LAMC1: variants seen among roughly 807,000 people sequenced by gnomAD.
The protein encoded by LAMC1 is laminin subunit gamma-1.
LAMC1 carries 38 observed loss-of-function variants against 173.6 expected under a neutral mutation model. The observed-to-expected ratio is 0.22, with a 90% CI of 0.17 to 0.29. The LOEUF (loss-of-function observed/expected upper bound fraction) is 0.29. Ranked by LOEUF, LAMC1 falls within the 10% of genes least tolerant of loss-of-function variation. The pLI, the probability that LAMC1 is intolerant of heterozygous loss-of-function variation, is 1.00. For missense variants in LAMC1, 1,824 were observed against 2,051.8 expected (o/e 0.89, Z 2.14); for synonymous variants, 746 against 749.1 (o/e 1.00, Z 0.07).
intron 1 of LAMC1, among the ~76,000 whole-genome samples, chr1:183,098,707 C>A (rs1392809463): frequency 2.6e-5 from 4 of 152,140 alleles, no homozygotes; most frequent in African/African-American, 9.7e-5. Context: ...ATTTTCACTA[C>A]ACAGAAAAAA....
chr1:183,079,232 G>GTTTTTTTTTTTTTT (rs796732672), intron 1 of LAMC1, among the ~76,000 whole-genome samples: 1 of 62,840 alleles, frequency 1.6e-5, no homozygotes, highest in Non-Finnish European at 3.0e-5. Context: ...CTCTAATCTG[G>GTTTTTTTTTTTTTT]TTTTTTTTTT....
At chr1:183,125,025 A>T (rs146885461) in intron 14 of LAMC1, 149 bp downstream of exon 14, 2 of 1,063,070 alleles carry the variant, frequency 1.9e-6, no homozygotes, top group Non-Finnish European at 2.7e-6. Context: ...TAGTCACCAC[A>T]TTAAAAAAGT....
chr1:183,110,430 G>A (rs1448797060), intron 3 of LAMC1, 58 bp from the exon 4 acceptor site: 1 of 1,351,310 alleles, frequency 7.4e-7, no homozygotes, highest in African/African-American at 1.4e-5. Flanking sequence ...GTTTTTCTGT[G>A]TGCATTTCTG....
At chr1:183,074,051 G>A (rs769247725) in intron 1 of LAMC1, among the ~76,000 whole-genome samples, 1 of 152,082 alleles carries the variant, frequency 6.6e-6, no homozygotes, top group Non-Finnish European at 1.5e-5. Context: ...ATCTGATTTG[G>A]TATCAAAGTT....
intron 16 of LAMC1, 133 bp downstream of exon 16, chr1:183,126,395 A>G: frequency 1.2e-6 from 1 of 801,474 alleles, no homozygotes. Flanking sequence ...GTCATCGTAG[A>G]TGCTTTATTT....
In LAMC1 at chr1:183,142,882, C is replaced by A; in HGVS notation, c.*92C>A. ...GACACAAAGATTACATTTTTCAGAC[C>A]CCCACTCCTCTGCTGCTGTCCATGA... On this transcript the variant is annotated 3_prime_UTR_variant, in exon 28 of 28. Coordinates refer to ENST00000258341, the MANE Select transcript of LAMC1 (RefSeq NM_002293.4). 1 of 1,304,882 alleles carries A rather than the reference C, an allele frequency of 7.7e-7. No homozygotes were observed. Among genetic ancestry groups the A allele is most frequent in the Non-Finnish European group, 1.1e-6 (1 of 942,740 alleles). 80.8% of individuals were successfully genotyped at this position (1,304,882 alleles called of 1,614,324 possible). A position where few individuals can be genotyped will look rare whatever the true frequency, so the allele number is the denominator to read the frequency against.
At chr1:183,120,357 G>T (rs1656438114) in intron 11 of LAMC1, among the ~76,000 whole-genome samples, 1 of 152,006 alleles carries the variant, frequency 6.6e-6, no homozygotes, top group Non-Finnish European at 1.5e-5. Context: ...TTTTAGAATG[G>T]GGAGACTTAA....
At chr1:183,078,795 G>C (rs1655185426) in intron 1 of LAMC1, among the ~76,000 whole-genome samples, 1 of 152,120 alleles carries the variant, frequency 6.6e-6, no homozygotes, top group South Asian at 2.1e-4. Context: ...CGGATCACCT[G>C]AGGTCAGAAG....
chr1:183,122,334 T>C, intron 13 of LAMC1, 83 bp downstream of exon 13: 5 of 1,319,540 alleles, frequency 3.8e-6, no homozygotes, highest in Non-Finnish European at 5.3e-6. Flanking sequence ...TTGTTTTGGA[T>C]CTTTGTGTTT....
chr1:183,061,463 A>T (rs190556255), intron 1 of LAMC1, among the ~76,000 whole-genome samples: 74 of 152,116 alleles, frequency 4.9e-4, no homozygotes, highest in African/African-American at 1.6e-3. Flanking sequence ...CATTTACAAG[A>T]TGTTCCTATA....
chr1:183,030,476 T>A (rs1405431161), intron 1 of LAMC1, among the ~76,000 whole-genome samples: 2 of 152,236 alleles, frequency 1.3e-5, no homozygotes, highest in African/African-American at 4.8e-5. Flanking sequence ...GCCTGAATTA[T>A]AAAACTCCCA....
chr1:183,036,741 TG>T (rs1451358758), intron 1 of LAMC1, among the ~76,000 whole-genome samples: 2 of 151,830 alleles, frequency 1.3e-5, no homozygotes, highest in African/African-American at 4.8e-5. Context: ...TACGCTTATT[TG>T]TGAAGAACAA....
intron 27 of LAMC1, among the ~76,000 whole-genome samples, chr1:183,141,576 CTT>C (rs1571470457): frequency 6.6e-6 from 1 of 152,184 alleles, no homozygotes; most frequent in Non-Finnish European, 1.5e-5. Flanking sequence ...AGCCAGGACT[CTT>C]TGTAGCAAGG....
chr1:183,053,878 G>A (rs1307970404), intron 1 of LAMC1, among the ~76,000 whole-genome samples: 2 of 152,076 alleles, frequency 1.3e-5, no homozygotes, highest in African/African-American at 4.8e-5. Context: ...CACCCGCCTC[G>A]GCCTCCCAAA....
chr1:183,139,545 GA>G (rs1558062404), intron 26 of LAMC1, among the ~76,000 whole-genome samples: 1 of 152,172 alleles, frequency 6.6e-6, no homozygotes, highest in African/African-American at 2.4e-5. Context: ...ATTTATTTGT[GA>G]AGGTTTTTTC....
rs566919577 is a variant in LAMC1, at chr1:183,069,055, C to G, written c.419-34273C>G. 2.0e-5 allele frequency among the ~76,000 whole-genome samples: 3 copies of G among 152,248 alleles called. No homozygotes were observed. The South Asian group carries it at 6.2e-4, about 32-fold the overall frequency. On this transcript the variant is annotated intron_variant, in intron 1 of 27. Transcript: ENST00000258341. ...ACAGTTTTCCACTGTTGAATTCTGCCTGGAGTATATGTTTTAAAATTCAAT... is the reference window on the plus strand; with the variant it reads ...ACAGTTTTCCACTGTTGAATTCTGCGTGGAGTATATGTTTTAAAATTCAAT...
intron 1 of LAMC1, among the ~76,000 whole-genome samples, chr1:183,055,736 T>C (rs1654573338): frequency 6.6e-6 from 1 of 151,800 alleles, no homozygotes; most frequent in African/African-American, 2.4e-5. Flanking sequence ...CGCTTGAACC[T>C]GGGAGGCAGA....
intron 1 of LAMC1, among the ~76,000 whole-genome samples, chr1:183,098,593 C>T (rs1187946556): frequency 6.6e-6 from 1 of 152,214 alleles, no homozygotes; most frequent in Non-Finnish European, 1.5e-5. Flanking sequence ...GCTACCTTTG[C>T]TGGACTTTAC....
In LAMC1 at chr1:183,124,788, C is replaced by G; in HGVS notation, c.2559C>G (p.Ile853Met). 1 of 1,614,170 alleles carries G rather than the reference C, an allele frequency of 6.2e-7. No homozygotes were observed. Among genetic ancestry groups the G allele is most frequent in the Non-Finnish European group, 8.5e-7 (1 of 1,180,010 alleles). Reference protein sequence around the residue: ...NRLTGECLKCIYNTAGFYCDR... With the variant: ...NRLTGECLKCMYNTAGFYCDR... Reference sequence around the variant, plus strand: ...TGACGGGAGAATGCCTGAAGTGCATCTATAACACTGCTGGCTTCTATTGTG... The same window carrying G: ...TGACGGGAGAATGCCTGAAGTGCATGTATAACACTGCTGGCTTCTATTGTG... The change falls in exon 14 of 28, where the codon ATC (isoleucine) becomes ATG (methionine). Residue 853 changes from isoleucine to methionine, a missense_variant. By Grantham distance (10) the Ile-to-Met change is conservative. Coordinates refer to ENST00000258341, the MANE Select transcript of LAMC1 (RefSeq NM_002293.4).
Sources: allele counts gnomAD v4.1 joint callset (sites outside exome capture counted in the v4.1 genomes callset), GRCh38; gene constraint gnomAD v4.1.1; transcripts MANE v1.5; gene names NCBI Gene and HGNC (gene_info 2026-07-23, HGNC 2026-07-21).